Variants in MARCHF3 observed in about 807,000 individuals in gnomAD.
The protein encoded by MARCHF3 is E3 ubiquitin-protein ligase MARCHF3.
In MARCHF3, 13 loss-of-function variants were observed where a neutral mutation model predicts 24.2. That is an observed-to-expected ratio of 0.54 (90% CI 0.35 to 0.85). The LOEUF is 0.85. MARCHF3 is among the 40% of genes least tolerant of loss of function. The pLI, the probability that MARCHF3 is intolerant of heterozygous loss-of-function variation, is 0.01. For synonymous variants in MARCHF3, 144 were observed against 137.3 expected (o/e 1.05, Z -0.34); for missense variants, 276 against 325.0 (o/e 0.85, Z 1.16).
chr5:126,992,969 T>A (rs1454934469), intron 1 of MARCHF3, among the ~76,000 whole-genome samples: 1 of 152,074 alleles, frequency 6.6e-6, no homozygotes, highest in Non-Finnish European at 1.5e-5. Context: ...AGACGGGGTT[T>A]CCCCGTGTTA....
intron 1 of MARCHF3, among the ~76,000 whole-genome samples, chr5:126,943,797 A>G (rs886128792): frequency 4.0e-5 from 6 of 151,868 alleles, no homozygotes; most frequent in Admixed American, 2.0e-4. Context: ...CCCTGGCATC[A>G]GATTCATGAA....
chr5:126,944,062 G>A (rs1453627242), intron 1 of MARCHF3, among the ~76,000 whole-genome samples: 3 of 151,794 alleles, frequency 2.0e-5, no homozygotes, highest in African/African-American at 7.3e-5. Flanking sequence ...CACCCACCCT[G>A]GCCTCCCAAA....
At chr5:126,991,580 C>T (rs1580713803) in intron 1 of MARCHF3, among the ~76,000 whole-genome samples, 1 of 152,156 alleles carries the variant, frequency 6.6e-6, no homozygotes, top group South Asian at 2.1e-4. Context: ...ATTAGCTGGG[C>T]ATGGTGGTAC....
At chr5:126,946,770 G>A (rs1750027736) in intron 1 of MARCHF3, among the ~76,000 whole-genome samples, 1 of 149,760 alleles carries the variant, frequency 6.7e-6, no homozygotes, top group South Asian at 2.1e-4. Flanking sequence ...GGGTGTGTGT[G>A]TGTGTGTGTG....
intron 3 of MARCHF3, among the ~76,000 whole-genome samples, chr5:126,906,363 A>T (rs1028750068): frequency 4.6e-5 from 7 of 152,122 alleles, no homozygotes; most frequent in Admixed American, 1.3e-4. Flanking sequence ...CTCTTTGTCT[A>T]TTGATTGGAA....
intron 3 of MARCHF3, among the ~76,000 whole-genome samples, chr5:126,903,887 T>C (rs1043488461): frequency 6.6e-6 from 1 of 151,890 alleles, no homozygotes; most frequent in Non-Finnish European, 1.5e-5. Context: ...TATGTATACA[T>C]GTGCCATGCT....
chr5:126,999,333 G>A (rs895857893), intron 1 of MARCHF3, among the ~76,000 whole-genome samples: 3 of 152,072 alleles, frequency 2.0e-5, no homozygotes, highest in Admixed American at 6.5e-5. Context: ...AGCTTTCAAT[G>A]AGTCCATTAG....
intron 4 of MARCHF3, among the ~76,000 whole-genome samples, chr5:126,871,939 G>T (rs1752981976): frequency 6.6e-6 from 1 of 151,906 alleles, no homozygotes; most frequent in African/African-American, 2.4e-5. Context: ...TCGAACTCCT[G>T]ATCTCAAGTG....
At chr5:126,875,961 T>A (rs747441704) in intron 4 of MARCHF3, among the ~76,000 whole-genome samples, 23 of 152,334 alleles carry the variant, frequency 1.5e-4, no homozygotes, top group Non-Finnish European at 3.2e-4. Flanking sequence ...GGGTGATAAA[T>A]CTTGGGTTTA....
At chr5:126,981,894 T>C (rs758951424) in intron 1 of MARCHF3, among the ~76,000 whole-genome samples, 3 of 152,252 alleles carry the variant, frequency 2.0e-5, no homozygotes, top group Admixed American at 2.0e-4. Context: ...TTGACTACTA[T>C]GGTATTTAGA....
At chr5:126,961,763 G>A (rs923533618) in intron 1 of MARCHF3, among the ~76,000 whole-genome samples, 11 of 152,236 alleles carry the variant, frequency 7.2e-5, no homozygotes, top group African/African-American at 1.7e-4. Context: ...ACTTGTCTAC[G>A]CTGGATATTT....
At chr5:126,928,608 T>G (rs1749373701) in intron 1 of MARCHF3, among the ~76,000 whole-genome samples, 1 of 152,212 alleles carries the variant, frequency 6.6e-6, no homozygotes, top group South Asian at 2.1e-4. Flanking sequence ...TTTCTTAATA[T>G]TTTTATTATG....
At chr5:126,876,847 G>A (rs541634194) in intron 4 of MARCHF3, among the ~76,000 whole-genome samples, 2 of 152,164 alleles carry the variant, frequency 1.3e-5, no homozygotes, top group Non-Finnish European at 2.9e-5. Context: ...ACAGGGTTTC[G>A]CCATGTTGGC....
At position 126,869,339 on chromosome 5, in the gene MARCHF3, T is replaced by G. The variant is rs1410241150; in HGVS notation, c.*1294A>C. 2 of 151,876 alleles carry G rather than the reference T, an allele frequency of 1.3e-5. No homozygotes were observed. The highest frequency in any genetic ancestry group is 1.3e-4 in the Admixed American group (2 of 15,258). The allele number at this position is 151,876 out of a possible 1,614,324, so 9.4% of individuals were successfully genotyped here. A position where few individuals can be genotyped will look rare whatever the true frequency, so the allele number is the denominator to read the frequency against. On this transcript the variant is annotated 3_prime_UTR_variant, in exon 5 of 5. Transcript: ENST00000308660. ...GGGCGGACAGCCGGGAGCCTGAGAG[T>G]CAACCCCAGCCAGCGCTCTCCTCAG...
intron 1 of MARCHF3, chr5:127,030,017 G>C (rs1753126163): frequency 6.6e-6 from 1 of 152,202 alleles, no homozygotes; most frequent in African/African-American, 2.4e-5. Context: ...TTCAGGAACC[G>C]CGGTCCGCAC....
At position 126,918,143 on chromosome 5, in the gene MARCHF3, G is replaced by A. The variant is rs1748969625; in HGVS notation, c.29C>T (p.Pro10Leu). 1.2e-6 allele frequency: 2 copies of A among 1,613,746 alleles called. No homozygotes were observed. Among genetic ancestry groups the A allele is most frequent in the Non-Finnish European group, 1.7e-6 (2 of 1,179,970 alleles). Residue 10 changes from proline (P) to leucine (L), a missense_variant, in exon 2 of 5, where the codon CCC becomes CTC. By Grantham distance (98) the Pro-to-Leu change is moderately conservative. Transcript: ENST00000308660. ...GCTGGTGCAGTCTGGCAGGACTTCGGGCAGGTGACTGCAGCGGCTGGTTGT... is the reference window on the plus strand; with the variant it reads ...GCTGGTGCAGTCTGGCAGGACTTCGAGCAGGTGACTGCAGCGGCTGGTTGT... MTTSRCSHL[P>L]EVLPDCTSSA...
intron 1 of MARCHF3, among the ~76,000 whole-genome samples, chr5:126,987,019 C>T (rs1751588028): frequency 6.6e-6 from 1 of 152,188 alleles, no homozygotes; most frequent in Non-Finnish European, 1.5e-5. Flanking sequence ...CTATATGTTG[C>T]TGTGAGGGTA....
intron 1 of MARCHF3, among the ~76,000 whole-genome samples, chr5:126,980,071 C>A (rs1483945831): frequency 2.0e-5 from 3 of 150,982 alleles, no homozygotes; most frequent in African/African-American, 7.3e-5. Context: ...GTGGATCAAA[C>A]TTCTTACTGA....
chr5:127,026,609 C>A (rs1471783723), intron 1 of MARCHF3, among the ~76,000 whole-genome samples: 1 of 152,208 alleles, frequency 6.6e-6, no homozygotes, highest in Non-Finnish European at 1.5e-5. Context: ...AACGACTAAG[C>A]ATAACCCTAT....
Sources: allele counts gnomAD v4.1 joint callset (sites outside exome capture counted in the v4.1 genomes callset), GRCh38; gene constraint gnomAD v4.1.1; transcripts MANE v1.5; gene names NCBI Gene and HGNC (gene_info 2026-07-23, HGNC 2026-07-21).